Variants in ACTR1A observed in about 807,000 individuals in gnomAD.
The protein encoded by ACTR1A is alpha-centractin.
Under a neutral mutation model 50.7 loss-of-function variants are expected in ACTR1A, and 10 were observed. The ratio of observed to expected loss-of-function variants is 0.20; its 90% confidence interval spans 0.12 to 0.33. The LOEUF (loss-of-function observed/expected upper bound fraction) is 0.33. Ranked by LOEUF, ACTR1A falls within the 10% of genes least tolerant of loss-of-function variation. The pLI, the probability that ACTR1A is intolerant of heterozygous loss-of-function variation, is 1.00. For synonymous variants in ACTR1A, 177 were observed against 184.2 expected, an observed-to-expected ratio of 0.96 and a Z score of 0.32; for missense variants, 253 against 491.7, an observed-to-expected ratio of 0.51 and a Z score of 4.59.
chr10:102,486,914 G>C (rs2062171304), intron 4 of ACTR1A, among the ~76,000 whole-genome samples: 1 of 151,082 alleles, frequency 6.6e-6, no homozygotes, highest in Non-Finnish European at 1.5e-5. Context: ...ATCATTTCAA[G>C]TAGCTGGGAC....
intron 1 of ACTR1A, among the ~76,000 whole-genome samples, 183 bp from the exon 2 acceptor site, chr10:102,490,796 C>T (rs1350606746): frequency 6.6e-6 from 1 of 152,082 alleles, no homozygotes; most frequent in Non-Finnish European, 1.5e-5. Context: ...AGTTTGAGAC[C>T]AGCCTAGCCA....
chr10:102,482,921 G>A lies in ACTR1A; in HGVS notation c.750+90C>T, dbSNP rs1392292799. ...AAGCTTGGTGTAAAGGGACTGGCCTGCCAGACTCCAGACCCTGATGGAGAA... is the reference window on the plus strand; with the variant it reads ...AAGCTTGGTGTAAAGGGACTGGCCTACCAGACTCCAGACCCTGATGGAGAA... On this transcript the variant is annotated intron_variant, in intron 7 of 10. Coordinates refer to ENST00000369905, the MANE Select transcript of ACTR1A (RefSeq NM_005736.4). The surrounding 1 kb of genome is among the most constrained non-coding windows in gnomAD (Gnocchi z 5.6). The A allele has an allele frequency of 6.4e-6, 7 of 1,101,048 alleles. No individual in the cohort carries two copies. Among genetic ancestry groups the A allele is most frequent in the Non-Finnish European group, 5.5e-6 (4 of 722,028 alleles). 68.2% of individuals were successfully genotyped at this position (1,101,048 alleles called of 1,614,324 possible).
chr10:102,502,685 A>C lies in ACTR1A; in HGVS notation c.-38T>G, dbSNP rs1018537557. ...TCTCCTTCTGGGGAAGGAACTGCCCAGCCGGGTCCGCCGCTAGCGCCACTG... is the reference window on the plus strand; with the variant it reads ...TCTCCTTCTGGGGAAGGAACTGCCCCGCCGGGTCCGCCGCTAGCGCCACTG... On this transcript the variant is annotated 5_prime_UTR_variant, in exon 1 of 11. Coordinates refer to ENST00000369905, the MANE Select transcript of ACTR1A (RefSeq NM_005736.4). 1.2e-6 allele frequency: 2 copies of C among 1,612,122 alleles called. No homozygotes were observed. Among genetic ancestry groups the C allele is most frequent in the Non-Finnish European group, 1.7e-6 (2 of 1,178,650 alleles).
At chr10:102,492,462 C>T (rs998740950) in intron 1 of ACTR1A, among the ~76,000 whole-genome samples, 2 of 152,146 alleles carry the variant, frequency 1.3e-5, no homozygotes, top group African/African-American at 4.8e-5. Context: ...CTGGGGCAAG[C>T]CTTTTCCTGC....
chr10:102,482,486 C>T lies in ACTR1A; in HGVS notation c.751-311G>A, dbSNP rs1374942199. On this transcript the variant is annotated intron_variant, in intron 7 of 10. Coordinates refer to ENST00000369905, the MANE Select transcript of ACTR1A (RefSeq NM_005736.4). The surrounding 1 kb of genome is among the most constrained non-coding windows in gnomAD (Gnocchi z 5.6). ...ATGGGGGTTCAAGGGAGTGGTAACT[C>T]ACCCTACACTGCACCCAGGTGTGGT... The T allele has an allele frequency of 2.5e-6, 1 of 405,874 alleles. No homozygotes were observed. Among genetic ancestry groups the T allele is most frequent in the Non-Finnish European group, 4.5e-6 (1 of 222,386 alleles). 25.1% of individuals were successfully genotyped at this position (405,874 alleles called of 1,614,324 possible). A position where few individuals can be genotyped will look rare whatever the true frequency, so the allele number is the denominator to read the frequency against.
intron 1 of ACTR1A, among the ~76,000 whole-genome samples, chr10:102,495,755 ATTTTTT>A (rs79530206): frequency 0.38 from 37,776 of 100,438 alleles, 5,749 homozygotes; most frequent in Admixed American, 0.43. Context: ...TAAATACACA[ATTTTTT>A]TTTTTTTTTT....
At chr10:102,486,519 G>T (rs1016507382) in intron 4 of ACTR1A, among the ~76,000 whole-genome samples, 1 of 151,912 alleles carries the variant, frequency 6.6e-6, no homozygotes, top group Non-Finnish European at 1.5e-5. Context: ...GAGAAACCCC[G>T]TCTCTACTAA....
In ACTR1A at chr10:102,488,289, A is replaced by G. The variant is rs1209813626; in HGVS notation, c.190-14T>C. 6.2e-7 allele frequency: 1 copy of G among 1,611,936 alleles called. No homozygotes were observed. The highest frequency in any genetic ancestry group is 8.5e-7 in the Non-Finnish European group (1 of 1,178,192). On this transcript the variant is annotated splice_polypyrimidine_tract_variant and intron_variant, in intron 3 of 10. Coordinates refer to ENST00000369905, the MANE Select transcript of ACTR1A (RefSeq NM_005736.4). The surrounding 1 kb of genome is among the most constrained non-coding windows in gnomAD (Gnocchi z 4.4). ...CCCTCGGTGCTCCTGGGAAAAGAGA[A>G]CAGGACTTACGACTGCAGTCAGGCT...
In ACTR1A at chr10:102,482,237, G is replaced by T; in HGVS notation, c.751-62C>A. The T allele has an allele frequency of 6.5e-7, 1 of 1,539,666 alleles. No individual in the cohort carries two copies. The highest frequency in any genetic ancestry group is 1.4e-5 in the African/African-American group (1 of 73,518). ...GGGACCAAGGTCCCTTTGGGAGTGG[G>T]AATGGAAGACGCCCCTCTGCACGTC... On this transcript the variant is annotated intron_variant, in intron 7 of 10. Transcript: ENST00000369905. The surrounding 1 kb of genome is among the most constrained non-coding windows in gnomAD (Gnocchi z 5.6).
At chr10:102,487,637 T>C (rs1301532598) in intron 4 of ACTR1A, among the ~76,000 whole-genome samples, 2 of 150,524 alleles carry the variant, frequency 1.3e-5, no homozygotes, top group Non-Finnish European at 3.0e-5. Context: ...TTTTCTTTTT[T>C]TTTTTTTTTT....
At chr10:102,484,881 G>A (rs935758199) in intron 5 of ACTR1A, among the ~76,000 whole-genome samples, 2 of 152,174 alleles carry the variant, frequency 1.3e-5, no homozygotes, top group South Asian at 2.1e-4. Flanking sequence ...GCTTCAGTGC[G>A]GAGAGGCCAA....
chr10:102,486,321 C>A (rs912753576), intron 4 of ACTR1A, among the ~76,000 whole-genome samples: 1 of 152,122 alleles, frequency 6.6e-6, no homozygotes, highest in Non-Finnish European at 1.5e-5. Flanking sequence ...CAAACCCCCA[C>A]CCCCATGGAA....
At chr10:102,502,075 C>G (rs2062256443) in intron 1 of ACTR1A, among the ~76,000 whole-genome samples, 1 of 152,352 alleles carries the variant, frequency 6.6e-6, no homozygotes, top group Admixed American at 6.5e-5. Context: ...CGGGCGGGCA[C>G]TCGCCTCTAG....
chr10:102,483,193 C>A (rs766970289), intron 6 of ACTR1A, 90 bp from the exon 7 acceptor site: 5 of 991,966 alleles, frequency 5.0e-6, no homozygotes, highest in Non-Finnish European at 8.1e-6. Flanking sequence ...GCTGCACAAA[C>A]CTGTCTAAAC....
intron 1 of ACTR1A, among the ~76,000 whole-genome samples, chr10:102,494,669 AGTATGGCTGGGTGCGGTGGCCCAC>A (rs1279299478): frequency 1.3e-5 from 2 of 152,060 alleles, no homozygotes; most frequent in African/African-American, 4.8e-5. Context: ...ACAAACAAAA[AGTATGGCTGGGTGCGGTGGCCCAC>A]GCCTGTCACC....
At position 102,488,962 on chromosome 10, in the gene ACTR1A, T is replaced by A. The variant is rs1379227500; in HGVS notation, c.189+101A>T. ...GGAGATTTTCAGAGAAAGTTGCCCCTTTTACTTATGGGTATGTCCAAATGT... is the reference window on the plus strand; with the variant it reads ...GGAGATTTTCAGAGAAAGTTGCCCCATTTACTTATGGGTATGTCCAAATGT... On this transcript the variant is annotated intron_variant, in intron 3 of 10. Transcript: ENST00000369905. The surrounding 1 kb of genome is among the most constrained non-coding windows in gnomAD (Gnocchi z 4.4). 1.3e-5 allele frequency: 11 copies of A among 879,188 alleles called. No homozygotes were observed. Among genetic ancestry groups the A allele is most frequent in the Non-Finnish European group, 1.8e-5 (11 of 618,046 alleles). 54.5% of individuals were successfully genotyped at this position (879,188 alleles called of 1,614,324 possible).
chr10:102,496,831 AG>A (rs551165234), intron 1 of ACTR1A, among the ~76,000 whole-genome samples: 39 of 152,348 alleles, frequency 2.6e-4, no homozygotes, highest in African/African-American at 7.5e-4. Flanking sequence ...GATAAGATTA[AG>A]GGGTTCTTGT....
chr10:102,489,617 C>T (rs191125031), intron 2 of ACTR1A, among the ~76,000 whole-genome samples: 12 of 151,850 alleles, frequency 7.9e-5, no homozygotes, highest in African/African-American at 2.7e-4. Flanking sequence ...AGTTTGAGAC[C>T]AGCCTGGCCA....
chr10:102,496,793 G>A (rs576302976), intron 1 of ACTR1A, among the ~76,000 whole-genome samples: 7 of 152,324 alleles, frequency 4.6e-5, no homozygotes, highest in Non-Finnish European at 8.8e-5. Context: ...TAGACAATTA[G>A]TGAAATCTGA....
Sources: allele counts gnomAD v4.1 joint callset (sites outside exome capture counted in the v4.1 genomes callset), GRCh38; gene constraint gnomAD v4.1.1; non-coding constraint Gnocchi (gnomAD v3.1); transcripts MANE v1.5; gene names NCBI Gene and HGNC (gene_info 2026-07-23, HGNC 2026-07-21).